Variants in CAPS2 observed in about 807,000 individuals in gnomAD.
CAPS2 encodes calcyphosin-2.
CAPS2 carries 98 observed loss-of-function variants against 86.5 expected under a neutral mutation model. The ratio of observed to expected loss-of-function variants is 1.13; its 90% confidence interval spans 0.96 to 1.34. The LOEUF (loss-of-function observed/expected upper bound fraction) is 1.34, where lower values mean the gene tolerates loss of function less well. Ranked by LOEUF, CAPS2 falls within the 40% of genes most tolerant of loss-of-function variation. The probability of loss-of-function intolerance (pLI) is 0.00; values close to 1 mark genes in which losing one functional copy is unlikely to be tolerated. For synonymous variants in CAPS2, 210 were observed against 225.1 expected (o/e 0.93, Z 0.60); for missense variants, 729 against 686.8 (o/e 1.06, Z -0.69).
At chr12:75,340,700 T>C (rs1047708767) in intron 1 of CAPS2, among the ~76,000 whole-genome samples, 9 of 149,704 alleles carry the variant, frequency 6.0e-5, no homozygotes, top group Admixed American at 2.0e-4. Flanking sequence ...AAAGAACTCC[T>C]ATCTAGAGAA....
At chr12:75,376,548 G>T (rs1369318719) in intron 1 of CAPS2, among the ~76,000 whole-genome samples, 1 of 152,176 alleles carries the variant, frequency 6.6e-6, no homozygotes, top group Non-Finnish European at 1.5e-5. Flanking sequence ...AGGCAGTACA[G>T]GGTTAATCTC....
chr12:75,354,092 A>T (rs1256889027), intron 1 of CAPS2, among the ~76,000 whole-genome samples: 1 of 147,034 alleles, frequency 6.8e-6, no homozygotes, highest in Non-Finnish European at 1.5e-5. Context: ...TAAGACAAAA[A>T]TGTCCTCTCT....
At chr12:75,317,025 C>T (rs2039844471) in intron 5 of CAPS2, among the ~76,000 whole-genome samples, 1 of 152,058 alleles carries the variant, frequency 6.6e-6, no homozygotes, top group Non-Finnish European at 1.5e-5. Flanking sequence ...AAGATTTCTT[C>T]CCCCCAGGGC....
At chr12:75,347,610 T>G (rs1168564764) in intron 1 of CAPS2, 1 of 1,571,752 alleles carries the variant, frequency 6.4e-7, no homozygotes, top group Non-Finnish European at 8.7e-7. Context: ...TTGACATTCC[T>G]TTTCTTTATA....
exon 8 of CAPS2, chr12:75,304,803 TTGAATC>T (rs778883122): frequency 6.2e-7 from 1 of 1,609,824 alleles, no homozygotes; most frequent in African/African-American, 1.3e-5. Flanking sequence ...GGTGTCATCT[TTGAATC>T]TGGAAGGATA....
chr12:75,292,778 T>G (rs969612861), intron 12 of CAPS2, among the ~76,000 whole-genome samples: 1 of 149,486 alleles, frequency 6.7e-6, no homozygotes, highest in African/African-American at 2.4e-5. Context: ...TTAAAAAAAT[T>G]CATTTTAAAA....
At chr12:75,378,837 C>T (rs12424458) in intron 1 of CAPS2, among the ~76,000 whole-genome samples, 25,742 of 152,042 alleles carry the variant, frequency 0.17, 2,369 homozygotes, top group Admixed American at 0.24. Flanking sequence ...CAAAACTAAC[C>T]ATCACATTAC....
intron 5 of CAPS2, among the ~76,000 whole-genome samples, chr12:75,317,131 T>C (rs1490274470): frequency 6.6e-6 from 1 of 152,178 alleles, no homozygotes; most frequent in South Asian, 2.1e-4. Context: ...AATTTTGTTA[T>C]ATATATTTAG....
At chr12:75,362,798 A>G (rs1257510603) in intron 1 of CAPS2, among the ~76,000 whole-genome samples, 1 of 152,210 alleles carries the variant, frequency 6.6e-6, no homozygotes, top group African/African-American at 2.4e-5. Context: ...TACAAAATGA[A>G]GAAATAATCA....
downstream of CAPS2, chr12:75,276,241 G>A (rs1300480066): frequency 1.9e-6 from 3 of 1,542,414 alleles, no homozygotes; most frequent in East Asian, 2.5e-5. Context: ...TGTCCTTGCT[G>A]GTCAACCTAG....
intron 5 of CAPS2, among the ~76,000 whole-genome samples, chr12:75,319,971 C>T (rs1262510021): frequency 1.3e-5 from 2 of 152,026 alleles, no homozygotes; most frequent in Non-Finnish European, 2.9e-5. Context: ...CCCTTAAGTA[C>T]AAAATTATTA....
chr12:75,325,186 T>A, intron 2 of CAPS2, 53 bp downstream of exon 3: 1 of 1,473,442 alleles, frequency 6.8e-7, no homozygotes, highest in South Asian at 1.3e-5. Flanking sequence ...CTAGTCAATG[T>A]ATGTTATATA....
At chr12:75,349,965 G>A (rs1345147698) in intron 1 of CAPS2, among the ~76,000 whole-genome samples, 1 of 152,352 alleles carries the variant, frequency 6.6e-6, no homozygotes, top group Admixed American at 6.5e-5. Context: ...AGCGGGGCAG[G>A]CTGGAGACTG....
Position 75,298,666 on chromosome 12 carries a change from GCA to G in CAPS2, c.1044+19_1044+20del, listed in dbSNP as rs371796952. On this transcript the variant is annotated intron_variant, in intron 11 of 16. Coordinates refer to ENST00000393284, the Ensembl canonical transcript of CAPS2. Reference sequence around the variant, plus strand: ...ATCCACCATCTGGTATTAAATGTGTGCACACACACACACCACTTACAACATAA... The same window carrying G: ...ATCCACCATCTGGTATTAAATGTGTGCACACACACACCACTTACAACATAA... The G allele has an allele frequency of 2.3e-4, 353 of 1,565,822 alleles. No homozygotes were observed. Among genetic ancestry groups the G allele is most frequent in the Non-Finnish European group, 2.6e-4 (298 of 1,138,282 alleles).
At position 75,373,970 on chromosome 12, in the gene CAPS2, C is replaced by T. The variant is rs1024065552; in HGVS notation, c.-395+16868G>A. The T allele has an allele frequency of 1.2e-4, 18 of 152,216 alleles. 1 individual carries two copies. The highest frequency in any genetic ancestry group is 9.2e-4 in the Admixed American group (14 of 15,278). The allele number at this position is 152,216 out of a possible 1,614,324, so 9.4% of individuals were successfully genotyped here. On this transcript the variant is annotated intron_variant, in intron 1 of 5. Coordinates refer to the CAPS2 transcript ENST00000551829. ...CATGATAGGCATTTCAGGTTGCATG[C>T]TAACTTGATGACCCACAGTCAAACG...
intron 1 of CAPS2, among the ~76,000 whole-genome samples, chr12:75,358,801 A>G (rs1339742010): frequency 6.9e-6 from 1 of 144,550 alleles, no homozygotes; most frequent in Non-Finnish European, 1.5e-5. Flanking sequence ...AATATATAAT[A>G]TATTATATAT....
intron 1 of CAPS2, among the ~76,000 whole-genome samples, chr12:75,355,997 G>C (rs968910571): frequency 1.3e-5 from 2 of 152,232 alleles, no homozygotes; most frequent in Admixed American, 6.5e-5. Flanking sequence ...TGGGGAGAGG[G>C]AGAGCATCAG....
chr12:75,309,013 T>A (rs1199607056), intron 7 of CAPS2, among the ~76,000 whole-genome samples: 1 of 151,324 alleles, frequency 6.6e-6, no homozygotes, highest in Non-Finnish European at 1.5e-5. Flanking sequence ...TAAAAAGAAG[T>A]ATGCTTAAAA....
intron 1 of CAPS2, chr12:75,364,824 A>G (rs1166508002): frequency 6.6e-6 from 1 of 152,178 alleles, no homozygotes; most frequent in East Asian, 1.9e-4. Flanking sequence ...AATTTTTAAT[A>G]TATAATTATC....
Sources: allele counts gnomAD v4.1 joint callset (sites outside exome capture counted in the v4.1 genomes callset), GRCh38; gene constraint gnomAD v4.1.1; transcripts MANE v1.5; gene names NCBI Gene and HGNC (gene_info 2026-07-23, HGNC 2026-07-21).